GBE1: variants seen among roughly 807,000 people sequenced by gnomAD.
GBE1 encodes 1,4-alpha-glucan branching enzyme 1, also known as 1,4-alpha-glucan-branching enzyme.
A neutral mutation model predicts 88.8 loss-of-function variants in GBE1; 70 were observed. That is an observed-to-expected ratio of 0.79 (90% CI 0.65 to 0.96). GBE1 has a LOEUF of 0.96. GBE1 is among the 40% of genes least tolerant of loss of function. The pLI is 0.00. For synonymous variants in GBE1, 284 were observed against 300.1 expected (o/e 0.95, Z 0.56); for missense variants, 872 against 871.0 (o/e 1.00, Z -0.01).
At chr3:81,505,067 T>C (rs1243947529) in intron 14 of GBE1, among the ~76,000 whole-genome samples, 4 of 152,230 alleles carry the variant, frequency 2.6e-5, no homozygotes, top group Admixed American at 2.0e-4. Flanking sequence ...TTATTTTATA[T>C]ATCTCTAATA....
intron 14 of GBE1, among the ~76,000 whole-genome samples, chr3:81,518,702 A>G (rs1263953299): frequency 6.6e-6 from 1 of 151,448 alleles, no homozygotes; most frequent in Non-Finnish European, 1.5e-5. Flanking sequence ...AAACTAAAGA[A>G]AGTGAACCTA....
chr3:81,590,304 C>T (rs1221177668), intron 9 of GBE1, among the ~76,000 whole-genome samples: 2 of 151,954 alleles, frequency 1.3e-5, no homozygotes, highest in East Asian at 3.9e-4. Context: ...ATTTTTATAT[C>T]TCAACCACTA....
chr3:81,523,613 G>A (rs1374108823), intron 14 of GBE1, among the ~76,000 whole-genome samples: 1 of 151,458 alleles, frequency 6.6e-6, no homozygotes, highest in Non-Finnish European at 1.5e-5. Context: ...TGCTTTTGTA[G>A]CCATTAAGCA....
chr3:81,588,731 T>C (rs897755479), intron 9 of GBE1, among the ~76,000 whole-genome samples: 4 of 152,140 alleles, frequency 2.6e-5, no homozygotes, highest in African/African-American at 7.2e-5. Context: ...CCCTCTCTAG[T>C]TCTGTTTTCT....
At position 81,642,849 on chromosome 3, in the gene GBE1, G is replaced by A. The variant is rs765783805; in HGVS notation, c.924C>T (p.Ser308=). ...DGLNMFDGTD[S]CYFHSGPRGT... ...CTCTAGGTCCAGAATGAAAATAACAGGAATCTGTCCCATCAAACATATTCA... is the reference window on the plus strand; with the variant it reads ...CTCTAGGTCCAGAATGAAAATAACAAGAATCTGTCCCATCAAACATATTCA... The change falls in exon 7 of 16, where the codon TCC becomes TCT. Residue 308 remains serine (S), a synonymous_variant. Transcript: ENST00000429644. The A allele has an allele frequency of 2.5e-6, 4 of 1,613,108 alleles. No individual in the cohort carries two copies. The African/African-American group carries it at 5.3e-5, about 22-fold the overall frequency.
chr3:81,743,677 T>C, intron 1 of GBE1: 2 of 1,172,572 alleles, frequency 1.7e-6, no homozygotes, highest in South Asian at 1.5e-5. Flanking sequence ...AGCAGTCACC[T>C]GATCTCAGTC....
At chr3:81,659,797 TAAG>T (rs2107094871) in intron 3 of GBE1, among the ~76,000 whole-genome samples, 1 of 152,324 alleles carries the variant, frequency 6.6e-6, no homozygotes, top group African/African-American at 2.4e-5. Flanking sequence ...TAGGATCTTT[TAAG>T]AAAACATACA....
chr3:81,685,227 T>C (rs1315597777), intron 2 of GBE1, among the ~76,000 whole-genome samples: 1 of 152,116 alleles, frequency 6.6e-6, no homozygotes, highest in Non-Finnish European at 1.5e-5. Flanking sequence ...AGACAAGAAC[T>C]CCCTCAGCTT....
At chr3:81,564,546 A>G (rs1703466112) in intron 12 of GBE1, among the ~76,000 whole-genome samples, 1 of 152,110 alleles carries the variant, frequency 6.6e-6, no homozygotes. Context: ...TAATCTTTTT[A>G]TATTTGTAAA....
intron 12 of GBE1, among the ~76,000 whole-genome samples, chr3:81,569,492 C>A (rs918334437): frequency 5.9e-5 from 9 of 152,164 alleles, no homozygotes; most frequent in Non-Finnish European, 1.0e-4. Context: ...CATGCCCTTG[C>A]CATTTAAGAG....
chr3:81,646,293 A>G, intron 6 of GBE1, 99 bp downstream of exon 6: 1 of 777,944 alleles, frequency 1.3e-6, no homozygotes, highest in African/African-American at 1.8e-5. Flanking sequence ...TGTTAACCCT[A>G]AAAGGTTACA....
chr3:81,740,398 A>G (rs1306884987), intron 1 of GBE1, among the ~76,000 whole-genome samples: 1 of 151,836 alleles, frequency 6.6e-6, no homozygotes, highest in Non-Finnish European at 1.5e-5. Flanking sequence ...TTAAGCTGGT[A>G]TCTACCCATA....
intron 2 of GBE1, among the ~76,000 whole-genome samples, chr3:81,699,457 T>C (rs932749743): frequency 6.6e-6 from 1 of 152,144 alleles, no homozygotes; most frequent in African/African-American, 2.4e-5. Flanking sequence ...CAGGGTTCTC[T>C]TAGAGGGACA....
chr3:81,595,233 A>G (rs1332876052), intron 7 of GBE1, among the ~76,000 whole-genome samples: 1 of 151,706 alleles, frequency 6.6e-6, no homozygotes, highest in East Asian at 1.9e-4. Flanking sequence ...GTATTTGCTT[A>G]TGATTCTATA....
At chr3:81,744,332 G>A (rs892249582) in intron 1 of GBE1, among the ~76,000 whole-genome samples, 1 of 152,104 alleles carries the variant, frequency 6.6e-6, no homozygotes, top group Non-Finnish European at 1.5e-5. Context: ...ACATTAGGTT[G>A]AATAGTGTAA....
intron 2 of GBE1, among the ~76,000 whole-genome samples, chr3:81,702,082 G>GGAGAGAGA (rs145867211): frequency 2.5e-4 from 19 of 76,788 alleles, no homozygotes; most frequent in African/African-American, 1.0e-3. Context: ...CAGAATCCCT[G>GGAGAGAGA]GAGAGAGAGA....
chr3:81,595,395 A>G (rs1703943963), intron 7 of GBE1, among the ~76,000 whole-genome samples: 1 of 151,856 alleles, frequency 6.6e-6, no homozygotes, highest in South Asian at 2.1e-4. Flanking sequence ...TCTTATAATT[A>G]ATAAATTTTA....
At chr3:81,563,656 C>T (rs1559646163) in intron 12 of GBE1, among the ~76,000 whole-genome samples, 1 of 152,010 alleles carries the variant, frequency 6.6e-6, no homozygotes, top group Non-Finnish European at 1.5e-5. Flanking sequence ...TTTTGTGAGT[C>T]ACTGGGGCTC....
chr3:81,675,904 A>T (rs1327351011), intron 2 of GBE1, among the ~76,000 whole-genome samples: 2 of 152,160 alleles, frequency 1.3e-5, no homozygotes, highest in Non-Finnish European at 2.9e-5. Flanking sequence ...AAAATGTATT[A>T]AAACTTAGGT....
Sources: allele counts gnomAD v4.1 joint callset (sites outside exome capture counted in the v4.1 genomes callset), GRCh38; gene constraint gnomAD v4.1.1; transcripts MANE v1.5; gene names NCBI Gene and HGNC (gene_info 2026-07-23, HGNC 2026-07-21).